GALNT13: variants seen among roughly 807,000 people sequenced by gnomAD.
The protein encoded by GALNT13 is polypeptide N-acetylgalactosaminyltransferase 13, also known as UDP-GalNAc:polypeptide N-acetylgalactosaminyltransferase 13.
Under a neutral mutation model 64.2 loss-of-function variants are expected in GALNT13, and 28 were observed. The observed-to-expected ratio is 0.44, with a 90% CI of 0.32 to 0.60. The LOEUF (loss-of-function observed/expected upper bound fraction) is 0.60, where lower values mean the gene tolerates loss of function less well. Among genes scored for constraint, GALNT13 ranks in the 20% least tolerant of loss-of-function variants. The pLI, the probability that GALNT13 is intolerant of heterozygous loss-of-function variation, is 0.05. For synonymous variants in GALNT13, 214 were observed against 224.6 expected (o/e 0.95, Z 0.42); for missense variants, 577 against 669.8 (o/e 0.86, Z 1.53).
At chr2:154,064,269 C>T (rs182125994) in intron 3 of GALNT13, among the ~76,000 whole-genome samples, 242 of 152,220 alleles carry the variant, frequency 1.6e-3, no homozygotes, top group Admixed American at 4.2e-3. Context: ...CTAAGGTGCT[C>T]TTGAGTCCTA....
chr2:154,297,500 C>T (rs2105974373), intron 8 of GALNT13, among the ~76,000 whole-genome samples: 1 of 152,284 alleles, frequency 6.6e-6, no homozygotes, highest in African/African-American at 2.4e-5. Flanking sequence ...CCAGACTGCT[C>T]TCTCCATGAT....
chr2:154,407,706 T>C (rs536105436), intron 10 of GALNT13, among the ~76,000 whole-genome samples: 1 of 152,210 alleles, frequency 6.6e-6, no homozygotes, highest in African/African-American at 2.4e-5. Flanking sequence ...TGAAAACACA[T>C]ATAACTCTGC....
intron 3 of GALNT13, among the ~76,000 whole-genome samples, chr2:153,989,159 G>A (rs1695002143): frequency 6.6e-6 from 1 of 151,948 alleles, no homozygotes; most frequent in African/African-American, 2.4e-5. Context: ...ATAAAATTGA[G>A]TAAAGCAATA....
chr2:154,065,486 C>G (rs1700412542), intron 3 of GALNT13, among the ~76,000 whole-genome samples: 1 of 152,108 alleles, frequency 6.6e-6, no homozygotes, highest in Non-Finnish European at 1.5e-5. Context: ...TACCTGCCAC[C>G]CCTCACCCAG....
intron 8 of GALNT13, among the ~76,000 whole-genome samples, chr2:154,273,778 A>T (rs1376637784): frequency 6.6e-6 from 1 of 152,152 alleles, no homozygotes; most frequent in Non-Finnish European, 1.5e-5. Flanking sequence ...CTAATGGTGC[A>T]TTCCTCAAAC....
At chr2:154,274,367 G>A (rs1691521655) in intron 8 of GALNT13, among the ~76,000 whole-genome samples, 1 of 152,110 alleles carries the variant, frequency 6.6e-6, no homozygotes, top group Non-Finnish European at 1.5e-5. Context: ...AAGCAGAAAA[G>A]CATGGCCTGG....
chr2:153,301,328 A>AAAAAAAAAAAAAAAAAAAAAGAAAAAAAG, the GALNT13 span, among the ~76,000 whole-genome samples: 1 of 150,742 alleles, frequency 6.6e-6, no homozygotes. Flanking sequence ...AGAAAAAAAA[A>AAAAAAAAAAAAAAAAAAAAAGAAAAAAAG]AAGAGTCTGC....
the GALNT13 span, among the ~76,000 whole-genome samples, chr2:153,670,581 G>A: frequency 2.6e-4 from 40 of 152,130 alleles, no homozygotes; most frequent in Non-Finnish European, 3.7e-4. Flanking sequence ...AGATAAAACC[G>A]CAAAGATGGA....
chr2:154,258,143 ATCT>A (rs1488055832), intron 7 of GALNT13, among the ~76,000 whole-genome samples: 2 of 152,164 alleles, frequency 1.3e-5, no homozygotes, highest in African/African-American at 2.4e-5. Context: ...AACAACTACA[ATCT>A]TCTTTTTAAC....
intron 3 of GALNT13, among the ~76,000 whole-genome samples, chr2:154,087,780 A>G (rs150849983): frequency 1.3e-5 from 2 of 152,256 alleles, no homozygotes; most frequent in East Asian, 3.9e-4. Flanking sequence ...CCAGAACAGT[A>G]TAATTTCAGA....
chr2:153,666,953 C>A, the GALNT13 span, among the ~76,000 whole-genome samples: 1 of 151,992 alleles, frequency 6.6e-6, no homozygotes, highest in Non-Finnish European at 1.5e-5. Context: ...ATCAAAATAG[C>A]CATTTTAAGA....
chr2:153,369,363 C>A, the GALNT13 span, among the ~76,000 whole-genome samples: 1 of 151,604 alleles, frequency 6.6e-6, no homozygotes, highest in African/African-American at 2.4e-5. Context: ...TCGATGAAAC[C>A]AAAAGTTTGT....
the GALNT13 span, among the ~76,000 whole-genome samples, chr2:153,411,868 A>T: frequency 6.6e-6 from 1 of 152,182 alleles, no homozygotes; most frequent in East Asian, 1.9e-4. Context: ...GGATTGAAAG[A>T]TGCAAAGTAT....
chr2:154,437,719 G>A, intron 11 of GALNT13: 1 of 421,768 alleles, frequency 2.4e-6, no homozygotes, highest in Non-Finnish European at 4.7e-6. Context: ...GGCCGGCATG[G>A]TGGCGCATGC....
At chr2:153,230,242 T>C in the GALNT13 span, among the ~76,000 whole-genome samples, 5 of 152,186 alleles carry the variant, frequency 3.3e-5, no homozygotes, top group Non-Finnish European at 7.3e-5. Context: ...GGAAGAATTG[T>C]TCTTATGTTT....
chr2:154,405,366 T>C (rs1251940704), intron 10 of GALNT13, among the ~76,000 whole-genome samples: 1 of 151,830 alleles, frequency 6.6e-6, no homozygotes, highest in Non-Finnish European at 1.5e-5. Flanking sequence ...AATTGTTCAA[T>C]TGAAAGTGAC....
At chr2:153,826,937 A>G in the GALNT13 span, among the ~76,000 whole-genome samples, 3 of 152,088 alleles carry the variant, frequency 2.0e-5, no homozygotes, top group Admixed American at 6.5e-5. Flanking sequence ...ACAGAATGAA[A>G]CAGAAGGAAG....
At chr2:153,794,547 G>T in the GALNT13 span, among the ~76,000 whole-genome samples, 1 of 150,104 alleles carries the variant, frequency 6.7e-6, no homozygotes. Flanking sequence ...TTGAGATGGA[G>T]TCTTGCTCTG....
the GALNT13 span, among the ~76,000 whole-genome samples, chr2:153,366,542 A>G: frequency 6.6e-6 from 1 of 152,204 alleles, no homozygotes; most frequent in South Asian, 2.1e-4. Context: ...GGATCATATA[A>G]AATACTCTAA....
Sources: allele counts gnomAD v4.1 joint callset (sites outside exome capture counted in the v4.1 genomes callset), GRCh38; gene constraint gnomAD v4.1.1; transcripts MANE v1.5; gene names NCBI Gene and HGNC (gene_info 2026-07-23, HGNC 2026-07-21).